Variants in SEPTIN12 observed in about 807,000 individuals in gnomAD.
The protein encoded by SEPTIN12 is septin 12, also known as septin-12.
SEPTIN12 carries 42 observed loss-of-function variants against 37.7 expected under a neutral mutation model. The observed-to-expected ratio is 1.11, with a 90% CI of 0.87 to 1.44. SEPTIN12 has a LOEUF of 1.44. Among genes scored for constraint, SEPTIN12 ranks in the 40% most tolerant of loss-of-function variants. SEPTIN12 has a pLI of 0.00. For missense variants in SEPTIN12, 613 were observed against 479.2 expected, an observed-to-expected ratio of 1.28 and a Z score of -2.61; for synonymous variants, 254 against 196.7, an observed-to-expected ratio of 1.29 and a Z score of -2.44.
At chr16:4,783,434 G>T (rs145737959) in intron 7 of SEPTIN12, 28 bp downstream of exon 7, 3 of 1,555,492 alleles carry the variant, frequency 1.9e-6, no homozygotes, top group Non-Finnish European at 2.7e-6. Flanking sequence ...AAATCACCTC[G>T]CCCGCCTCCC....
At position 4,783,696 on chromosome 16, in the gene SEPTIN12, T is replaced by A. The variant is rs2082399262; in HGVS notation, c.583A>T (p.Arg195Trp). The change falls in exon 6 of 10, where the codon AGG becomes TGG. Residue 195 changes from arginine to tryptophan, a missense_variant. Arg to Trp is a moderately radical substitution (Grantham distance 101). Transcript: ENST00000268231. Reference protein sequence around the residue: ...RTVNVVPVIARADSLTMEERE... With the variant: ...RTVNVVPVIAWADSLTMEERE... ...TCCTCCATGGTCAGGCTGTCGGCCC[T>A]GGCAATCACGGGCACCACATTCACA... The A allele has an allele frequency of 6.2e-7, 1 of 1,614,092 alleles. No homozygotes were observed. Among genetic ancestry groups the A allele is most frequent in the Admixed American group, 1.7e-5 (1 of 60,022 alleles).
At chr16:4,779,876 T>TC in intron 7 of SEPTIN12, 90 bp from the exon 8 acceptor site, 3 of 819,126 alleles carry the variant, frequency 3.7e-6, no homozygotes, top group South Asian at 1.4e-5. Flanking sequence ...GAGAGGGGAG[T>TC]CCTATCCTTT....
rs765325269 is a variant in SEPTIN12, at chr16:4,786,110, G to C, written c.167-5C>G. 6.3e-7 allele frequency: 1 copy of C among 1,598,048 alleles called. No homozygotes were observed. The highest frequency in any genetic ancestry group is 8.5e-7 in the Non-Finnish European group (1 of 1,170,366). On this transcript the variant is annotated splice_region_variant and splice_polypyrimidine_tract_variant and intron_variant, in intron 2 of 9. Coordinates refer to ENST00000268231, the MANE Select transcript of SEPTIN12 (RefSeq NM_144605.5). ...ACTTGCCCAGCCCGCTTTGCCCTGG[G>C]AGTGGCAACCGGATGACAGCAGTTA...
chr16:4,789,702 T>C (rs2082520809), upstream of SEPTIN12, among the ~76,000 whole-genome samples: 1 of 151,966 alleles, frequency 6.6e-6, no homozygotes, highest in African/African-American at 2.4e-5. Flanking sequence ...CTAGTGATCC[T>C]CTCACCTCAG....
chr16:4,786,247 C>T, intron 2 of SEPTIN12, 142 bp from the exon 3 acceptor site: 1 of 1,137,188 alleles, frequency 8.8e-7, no homozygotes, highest in Non-Finnish European at 1.2e-6. Context: ...AATCCCCGTT[C>T]ACTGCAGCCT....
chr16:4,784,491 C>T (rs972423895), intron 4 of SEPTIN12, among the ~76,000 whole-genome samples: 2 of 152,166 alleles, frequency 1.3e-5, no homozygotes, highest in African/African-American at 4.8e-5. Flanking sequence ...GGTGTCAGGC[C>T]AGGCCCGATG....
At chr16:4,783,025 A>C (rs2082389258) in intron 7 of SEPTIN12, among the ~76,000 whole-genome samples, 1 of 151,806 alleles carries the variant, frequency 6.6e-6, no homozygotes, top group Non-Finnish European at 1.5e-5. Context: ...CTCCCGCTTC[A>C]GCCTCCTGAG....
chr16:4,789,913 CTTTT>C (rs200769927), upstream of SEPTIN12: 3 of 144,452 alleles, frequency 2.1e-5, no homozygotes, highest in Non-Finnish European at 4.5e-5. Context: ...TCTTTTCTTT[CTTTT>C]TTTTTTTTCT....
chr16:4,787,769 C>T, intron 1 of SEPTIN12, 102 bp from the exon 2 acceptor site: 1 of 613,462 alleles, frequency 1.6e-6, no homozygotes, highest in Non-Finnish European at 2.9e-6. Flanking sequence ...CGTTGGCCAA[C>T]CCCCTCCACA....
rs934637682 is a variant in SEPTIN12, at chr16:4,779,674, G to A, written c.823+16C>T. ...ACTGACCCCACCTGCATCCTACCCAGGGGCCCCGCACTGACCTTCAATGAT... is the reference window on the plus strand; with the variant it reads ...ACTGACCCCACCTGCATCCTACCCAAGGGCCCCGCACTGACCTTCAATGAT... On this transcript the variant is annotated intron_variant, in intron 8 of 9. Coordinates refer to ENST00000268231, the MANE Select transcript of SEPTIN12 (RefSeq NM_144605.5). 1.3e-6 allele frequency: 2 copies of A among 1,561,066 alleles called. No individual in the cohort carries two copies. The highest frequency in any genetic ancestry group is 1.8e-6 in the Non-Finnish European group (2 of 1,132,086).
chr16:4,783,099 A>G (rs1421285299), intron 7 of SEPTIN12, among the ~76,000 whole-genome samples: 2 of 138,342 alleles, frequency 1.4e-5, no homozygotes, highest in Admixed American at 7.3e-5. Context: ...GGCAGAGACA[A>G]GGTTTCACCA....
At chr16:4,791,300 G>GA, upstream of SEPTIN12, among the ~76,000 whole-genome samples, 1 of 152,236 alleles carries the variant, frequency 6.6e-6, no homozygotes, top group South Asian at 2.1e-4. Context: ...AAAAGCCAGG[G>GA]AAAAAACGAT....
At chr16:4,778,180 CTGAG>C (rs1421239494) in intron 8 of SEPTIN12, 43 bp from the exon 9 acceptor site, 1 of 1,602,402 alleles carries the variant, frequency 6.2e-7, no homozygotes, top group Non-Finnish European at 8.6e-7. Flanking sequence ...TTAGTGAGCA[CTGAG>C]TAAGTGCCTA....
intron 4 of SEPTIN12, among the ~76,000 whole-genome samples, chr16:4,784,982 C>A (rs1029491066): frequency 2.0e-5 from 3 of 151,900 alleles, no homozygotes; most frequent in Non-Finnish European, 4.4e-5. Flanking sequence ...TGCAGTGGCT[C>A]ACACCTGTAA....
At chr16:4,785,721 T>G in intron 4 of SEPTIN12, 86 bp downstream of exon 4, 1 of 950,716 alleles carries the variant, frequency 1.1e-6, no homozygotes. Context: ...GAGGTTGCAG[T>G]GAGCCGAGAT....
intron 4 of SEPTIN12, among the ~76,000 whole-genome samples, chr16:4,785,065 G>C (rs967590007): frequency 2.0e-5 from 3 of 152,030 alleles, no homozygotes; most frequent in African/African-American, 7.2e-5. Flanking sequence ...TGGCCAACGT[G>C]GTGAAACCCC....
intron 4 of SEPTIN12, among the ~76,000 whole-genome samples, chr16:4,785,014 A>G (rs2082420874): frequency 6.6e-6 from 1 of 152,086 alleles, no homozygotes; most frequent in African/African-American, 2.4e-5. Flanking sequence ...TGGGAGACTG[A>G]GGTGGGCGGA....
At chr16:4,783,376 A>C (rs756110049) in intron 7 of SEPTIN12, 86 bp downstream of exon 7, 2 of 1,007,838 alleles carry the variant, frequency 2.0e-6, no homozygotes, top group East Asian at 4.7e-5. Flanking sequence ...CATTTCCCTG[A>C]GATGTAGAGA....
At chr16:4,786,127 C>G (rs972352154) in intron 2 of SEPTIN12, 22 bp from the exon 3 acceptor site, 9 of 1,584,084 alleles carry the variant, frequency 5.7e-6, no homozygotes, top group Admixed American at 3.6e-5. Context: ...AACCGGATGA[C>G]AGCAGTTAGG....
Sources: allele counts gnomAD v4.1 joint callset (sites outside exome capture counted in the v4.1 genomes callset), GRCh38; gene constraint gnomAD v4.1.1; transcripts MANE v1.5; gene names NCBI Gene and HGNC (gene_info 2026-07-23, HGNC 2026-07-21).